Variants in CLCN1 observed in about 807,000 individuals in gnomAD.
CLCN1 encodes the protein chloride channel protein 1.
Under a neutral mutation model 114.5 loss-of-function variants are expected in CLCN1, and 100 were observed. The ratio of observed to expected loss-of-function variants is 0.87; its 90% CI spans 0.74 to 1.03. The LOEUF (loss-of-function observed/expected upper bound fraction) is 1.03, where lower values mean the gene tolerates loss of function less well. Ranked by LOEUF, CLCN1 falls within the 50% of genes least tolerant of loss-of-function variation. The pLI is 0.00. For missense variants in CLCN1, 1,188 were observed against 1,250.0 expected, an observed-to-expected ratio of 0.95 and a Z score of 0.75; for synonymous variants, 485 against 487.1, an observed-to-expected ratio of 1.00 and a Z score of 0.06.
intron 2 of CLCN1, 23 bp from the exon 3 acceptor site, chr7:143,320,640 GT>G (rs750369481): frequency 3.8e-6 from 6 of 1,583,128 alleles, no homozygotes; most frequent in Non-Finnish European, 5.2e-6. Context: ...TTGTTTGTTT[GT>G]TTTTTCCCTC....
In CLCN1 at chr7:143,350,749, A is replaced by C. The variant is rs180982551; in HGVS notation, c.2595+95A>C. On this transcript the variant is annotated intron_variant, in intron 22 of 22. Coordinates refer to ENST00000343257, the MANE Select transcript of CLCN1 (RefSeq NM_000083.3). The surrounding 1 kb of genome is among the most constrained non-coding windows in gnomAD (Gnocchi z 5.1). ...ACAGAAGGAATATTAGCATCTCAGA[A>C]GTCCCCTCAGATTCCCTTCTCTATT... is the stretch of plus-strand genomic sequence containing the variant. 62 of 863,512 alleles carry C rather than the reference A, an allele frequency of 7.2e-5. No individual in the cohort carries two copies. In the East Asian group the frequency reaches 1.5e-3, roughly 20 times the overall value. The allele number at this position is 863,512 out of a possible 1,614,324, so 53.5% of individuals were successfully genotyped here.
intron 20 of CLCN1, among the ~76,000 whole-genome samples, chr7:143,348,316 A>G (rs1368972035): frequency 6.6e-6 from 1 of 152,228 alleles, no homozygotes; most frequent in African/African-American, 2.4e-5. Flanking sequence ...GCAGTTAAGG[A>G]GTACTTTGTT....
At chr7:143,336,534 C>T (rs1195841983) in intron 12 of CLCN1, among the ~76,000 whole-genome samples, 4 of 141,752 alleles carry the variant, frequency 2.8e-5, no homozygotes, top group South Asian at 2.3e-4. Flanking sequence ...TGCTTGAACG[C>T]GGGAGCCAGA....
Position 143,351,611 on chromosome 7 carries a change from G to C in CLCN1, c.2613G>C (p.Glu871Asp). The C allele has an allele frequency of 6.2e-7, 1 of 1,613,988 alleles. No individual in the cohort carries two copies. Among genetic ancestry groups the C allele is most frequent in the Middle Eastern group, 1.6e-4 (1 of 6,062 alleles). Residue 871 changes from glutamate to aspartate, a missense_variant, in exon 23 of 23, where the codon GAG becomes GAC. Transcript: ENST00000343257. ...CTCTTCAGCTACAGAAGGCCATTGA[G>C]GGGCACACCAAGTCTGGGGTGCAGC... ...LALEELQKAIEGHTKSGVQLR... is the reference protein window; with the variant it reads ...LALEELQKAIDGHTKSGVQLR...
Position 143,321,985 on chromosome 7 carries a change from G to A in CLCN1, c.696+137G>A. The A allele has an allele frequency of 1.0e-6, 1 of 996,056 alleles. No individual in the cohort carries two copies. Among genetic ancestry groups the A allele is most frequent in the Admixed American group, 2.7e-5 (1 of 37,706 alleles). The allele number at this position is 996,056 out of a possible 1,614,324, so 61.7% of individuals were successfully genotyped here. ...GCCAGGGCCAGGGGACACTAGGAAG[G>A]GGAAATGCTTTGGAAGTTCCTCCAA... On this transcript the variant is annotated intron_variant, in intron 5 of 22. Coordinates refer to ENST00000343257, the MANE Select transcript of CLCN1 (RefSeq NM_000083.3). The surrounding 1 kb of genome is among the most constrained non-coding windows in gnomAD (Gnocchi z 4.2).
rs546147764 is a variant in CLCN1 at position 143,350,977 on chromosome 7, C to T, written c.2595+323C>T. ...ATTTTTAGTAGAGACGGGGTTTTGC[C>T]ATGTTGGGCAGGCTAGTCTCAAACT... is the stretch of plus-strand genomic sequence containing the variant. On this transcript the variant is annotated intron_variant, in intron 22 of 22. Coordinates refer to ENST00000343257, the MANE Select transcript of CLCN1 (RefSeq NM_000083.3). The surrounding 1 kb of genome is among the most constrained non-coding windows in gnomAD (Gnocchi z 5.1). Among the ~76,000 whole-genome samples the T allele has an allele frequency of 3.9e-5, 6 of 152,204 alleles. No individual in the cohort carries two copies. The East Asian group carries it at 1.2e-3, about 29-fold the overall frequency.
At chr7:143,317,565 G>GCTTTTTTTTCTTT (rs1435408595) in intron 1 of CLCN1, among the ~76,000 whole-genome samples, 3 of 151,580 alleles carry the variant, frequency 2.0e-5, no homozygotes, top group African/African-American at 4.8e-5. Flanking sequence ...AACTTAAAAG[G>GCTTTTTTTTCTTT]CTTTTTTTTC....
At chr7:143,317,157 A>G (rs972637974) in intron 1 of CLCN1, among the ~76,000 whole-genome samples, 3 of 151,976 alleles carry the variant, frequency 2.0e-5, no homozygotes, top group African/African-American at 7.2e-5. Flanking sequence ...AAGATAGGTC[A>G]TGGTTAATAA....
chr7:143,342,445 G>A lies in CLCN1; in HGVS notation c.1870G>A (p.Glu624Lys), dbSNP rs1563085093. The A allele has an allele frequency of 1.9e-6, 3 of 1,614,074 alleles. No homozygotes were observed. Among genetic ancestry groups the A allele is most frequent in the Non-Finnish European group, 2.5e-6 (3 of 1,179,986 alleles). The part of the protein sequence containing the change: ...KFVSASYTYG[E>K]LRTLLQTTTV... ...TGTTTCAGCTTCTTACACATATGGGGAGTTGCGAACCCTGCTCCAGACCAC... is the reference window on the plus strand; with the variant it reads ...TGTTTCAGCTTCTTACACATATGGGAAGTTGCGAACCCTGCTCCAGACCAC... Residue 624 changes from glutamate (E) to lysine (K), a missense_variant, in exon 16 of 23, where the codon GAG (glutamate) becomes AAG (lysine). Physicochemically the swap from Glu to Lys is moderately conservative, Grantham distance 56. Transcript: ENST00000343257.
chr7:143,328,991 G>GCA (rs1802651197), intron 7 of CLCN1, among the ~76,000 whole-genome samples: 2 of 144,780 alleles, frequency 1.4e-5, no homozygotes, highest in African/African-American at 5.1e-5. Flanking sequence ...TTTTCAAGAT[G>GCA]GAGTCTTGCT....
chr7:143,327,254 A>AG (rs1563076933), intron 7 of CLCN1, among the ~76,000 whole-genome samples: 2 of 125,482 alleles, frequency 1.6e-5, no homozygotes, highest in Admixed American at 1.9e-4. Flanking sequence ...TCTTAAAAAA[A>AG]AAAAAAAAGA....
Position 143,321,273 on chromosome 7 carries a change from A to G in CLCN1, c.434-92A>G, listed in dbSNP as rs987782128. On this transcript the variant is annotated intron_variant, in intron 3 of 22. Coordinates refer to ENST00000343257, the MANE Select transcript of CLCN1 (RefSeq NM_000083.3). This position sits in a 1 kb window ranked among gnomAD's most constrained non-coding sequence, Gnocchi z 4.2. ...CTCAGAAGGGGCACACAGAAGGAGC[A>G]CGGCCTGAGAACATGCCGGGTACAC... The G allele has an allele frequency of 1.4e-6, 2 of 1,472,768 alleles. No individual in the cohort carries two copies. The highest frequency in any genetic ancestry group is 2.8e-5 in the African/African-American group (2 of 72,070). 91.2% of individuals were successfully genotyped at this position (1,472,768 alleles called of 1,614,324 possible). A position where few individuals can be genotyped will look rare whatever the true frequency, so the allele number is the denominator to read the frequency against.
rs1160950660 is a variant in CLCN1 at position 143,350,476 on chromosome 7, G to A, written c.2508G>A (p.Lys836=). The change falls in exon 21 of 23, where the codon AAG becomes AAA. Residue 836 remains lysine (K), a splice_region_variant and synonymous_variant. Coordinates refer to ENST00000343257, the MANE Select transcript of CLCN1 (RefSeq NM_000083.3). This position sits in a 1 kb window ranked among gnomAD's most constrained non-coding sequence, Gnocchi z 5.1. ...FQLVEQTTLH[K]THTLFSLLGL... is the part of the protein sequence containing the mutation. The stretch of plus-strand genomic sequence containing the variant: ...TGGTGGAGCAGACAACCCTGCACAA[G>A]GTGAGTCTTTTGCTGACTGCTCAGG... 2 of 1,613,784 alleles carry A rather than the reference G, an allele frequency of 1.2e-6. No homozygotes were observed. Among genetic ancestry groups the A allele is most frequent in the South Asian group, 1.1e-5 (1 of 91,076 alleles).
chr7:143,323,164 C>A, intron 5 of CLCN1, 145 bp from the exon 6 acceptor site: 1 of 655,880 alleles, frequency 1.5e-6, no homozygotes, highest in South Asian at 1.7e-5. Context: ...TGGGATGAGG[C>A]CTCGTGAGGG....
chr7:143,340,466 G>A (rs1803047715), intron 14 of CLCN1, among the ~76,000 whole-genome samples: 1 of 152,048 alleles, frequency 6.6e-6, no homozygotes, highest in African/African-American at 2.4e-5. Context: ...TTTCCCTTCT[G>A]TGATGCTTTC....
intron 1 of CLCN1, 76 bp downstream of exon 1, chr7:143,316,468 A>T (rs963846563): frequency 2.9e-6 from 4 of 1,359,022 alleles, no homozygotes; most frequent in Non-Finnish European, 4.1e-6. Context: ...AAAATGAGGA[A>T]TTGGGTGAAA....
At chr7:143,329,605 A>G (rs1182848154) in intron 7 of CLCN1, among the ~76,000 whole-genome samples, 1 of 152,142 alleles carries the variant, frequency 6.6e-6, no homozygotes, top group African/African-American at 2.4e-5. Context: ...TGAATATAGC[A>G]CAGGGAGAAG....
In CLCN1 at chr7:143,351,870, G is replaced by T. The variant is rs755731058; in HGVS notation, c.2872G>T (p.Glu958Ter). ...EGELEELELV[E>*]SPGLEEELAD... ...CGAGTTGGAGGAGCTGGAGCTGGTG[G>T]AGAGTCCAGGGCTGGAAGAGGAGCT... Residue 958 changes from glutamate to a stop codon, truncating the protein, a stop_gained, in exon 23 of 23, where the codon GAG (glutamate) becomes TAG (stop). Coordinates refer to ENST00000343257, the MANE Select transcript of CLCN1 (RefSeq NM_000083.3). LOFTEE classifies it high-confidence loss of function. 5 of 1,613,978 alleles carry T rather than the reference G, an allele frequency of 3.1e-6. No individual in the cohort carries two copies. In the Admixed American group the frequency reaches 5.0e-5, roughly 16 times the overall value.
chr7:143,344,836 T>C (rs1468883290), intron 16 of CLCN1, among the ~76,000 whole-genome samples: 3 of 150,604 alleles, frequency 2.0e-5, no homozygotes, highest in Non-Finnish European at 3.0e-5. Context: ...CTGCAACCTC[T>C]GCCTCCCGGG....
Sources: allele counts gnomAD v4.1 joint callset (sites outside exome capture counted in the v4.1 genomes callset), GRCh38; gene constraint gnomAD v4.1.1; non-coding constraint Gnocchi (gnomAD v3.1); transcripts MANE v1.5; gene names NCBI Gene and HGNC (gene_info 2026-07-23, HGNC 2026-07-21).